SPAG9: variants seen among roughly 807,000 people sequenced by gnomAD.
SPAG9 encodes sperm associated antigen 9.
In SPAG9, 35 loss-of-function variants were observed where a neutral mutation model predicts 166.5. The observed-to-expected ratio is 0.21, with a 90% confidence interval of 0.16 to 0.28. The LOEUF (loss-of-function observed/expected upper bound fraction) is 0.28, where lower values mean the gene tolerates loss of function less well. Ranked by LOEUF, SPAG9 falls within the 10% of genes least tolerant of loss-of-function variation. The pLI is 1.00. For synonymous variants in SPAG9, 534 were observed against 565.5 expected (o/e 0.94, Z 0.79); for missense variants, 1,235 against 1,603.3 (o/e 0.77, Z 3.92).
intron 2 of SPAG9, among the ~76,000 whole-genome samples, chr17:51,062,870 G>T (rs777661122): frequency 6.6e-6 from 1 of 152,138 alleles, no homozygotes; most frequent in African/African-American, 2.4e-5. Context: ...GATTACAGGC[G>T]TGAGCCACCA....
intron 1 of SPAG9, among the ~76,000 whole-genome samples, chr17:51,094,278 T>A (rs1215786559): frequency 6.6e-6 from 1 of 152,164 alleles, no homozygotes; most frequent in Non-Finnish European, 1.5e-5. Context: ...TTAAGAATTA[T>A]AAGGCACTTT....
intron 12 of SPAG9, among the ~76,000 whole-genome samples, chr17:51,002,293 A>C (rs1010135538): frequency 6.6e-6 from 1 of 152,188 alleles, no homozygotes; most frequent in African/African-American, 2.4e-5. Context: ...TTGGGACTAC[A>C]GGTGTAAGCC....
chr17:51,115,828 CA>C (rs915419234), intron 1 of SPAG9, among the ~76,000 whole-genome samples: 1 of 144,656 alleles, frequency 6.9e-6, no homozygotes, highest in South Asian at 2.2e-4. Context: ...AACTCCATCT[CA>C]AAAAAAAAGA....
intron 9 of SPAG9, chr17:51,007,833 T>G: frequency 2.2e-6 from 1 of 453,652 alleles, no homozygotes; most frequent in Non-Finnish European, 4.4e-6. Flanking sequence ...AGATGAAACC[T>G]TACCAAAGAA....
intron 3 of SPAG9, among the ~76,000 whole-genome samples, chr17:51,056,180 C>T (rs956688526): frequency 1.3e-5 from 2 of 152,120 alleles, no homozygotes; most frequent in Non-Finnish European, 1.5e-5. Context: ...CCTTAAATAA[C>T]TAAATTATTC....
At chr17:51,064,947 C>T (rs900407505) in intron 2 of SPAG9, among the ~76,000 whole-genome samples, 2 of 152,002 alleles carry the variant, frequency 1.3e-5, no homozygotes, top group African/African-American at 4.8e-5. Flanking sequence ...CATGATGAAA[C>T]CCCGTCTCTA....
intron 5 of SPAG9, among the ~76,000 whole-genome samples, chr17:51,037,629 TTATATA>T (rs2046641323): frequency 7.5e-6 from 1 of 132,772 alleles, no homozygotes; most frequent in Non-Finnish European, 1.6e-5. Flanking sequence ...AAAAAAAAAA[TTATATA>T]TATAAATAAA....
At position 51,006,328 on chromosome 17, in the gene SPAG9, A is replaced by G. The variant is rs2045218342; in HGVS notation, c.1272-91T>C. 4.9e-6 allele frequency: 6 copies of G among 1,219,182 alleles called. No individual in the cohort carries two copies. The South Asian group carries it at 8.6e-5, about 17-fold the overall frequency. The allele number at this position is 1,219,182 out of a possible 1,614,324, so 75.5% of individuals were successfully genotyped here. On this transcript the variant is annotated intron_variant, in intron 10 of 29. Coordinates refer to ENST00000262013, the MANE Select transcript of SPAG9 (RefSeq NM_001130528.3). The stretch of plus-strand genomic sequence containing the variant: ...TTTGTAGACTAAACTGTACAACCAT[A>G]GACAATAATAATTTAATACTTCAAG...
At chr17:51,107,744 TAAAA>T (rs35218447) in intron 1 of SPAG9, among the ~76,000 whole-genome samples, 2 of 138,274 alleles carry the variant, frequency 1.4e-5, no homozygotes, top group South Asian at 4.5e-4. Context: ...AAAAAAAGGT[TAAAA>T]AAAAAAAAAA....
At chr17:51,011,514 C>T (rs1438873613) in intron 9 of SPAG9, among the ~76,000 whole-genome samples, 2 of 151,884 alleles carry the variant, frequency 1.3e-5, no homozygotes, top group Admixed American at 6.6e-5. Flanking sequence ...TCCCAAGTAG[C>T]TGGGATTACA....
rs920882312 is a variant in SPAG9 at position 51,047,063 on chromosome 17, C to T, written c.590+312G>A. 10 of 390,272 alleles carry T rather than the reference C, an allele frequency of 2.6e-5. No homozygotes were observed. The South Asian group carries it at 4.2e-4, about 17-fold the overall frequency. 24.2% of individuals were successfully genotyped at this position (390,272 alleles called of 1,614,324 possible). On this transcript the variant is annotated intron_variant, in intron 4 of 29. Transcript: ENST00000262013. ...CAAAAAGGACTTCAAACCAATTACA[C>T]GGGAGAAATAAAATATTTCAGCATT...
At chr17:51,091,614 T>G (rs1001657247) in intron 1 of SPAG9, among the ~76,000 whole-genome samples, 13 of 151,988 alleles carry the variant, frequency 8.6e-5, no homozygotes, top group African/African-American at 3.1e-4. Flanking sequence ...ACGCACATAC[T>G]CCTCCCCTTT....
chr17:50,972,724 C>T (rs1032962793), intron 28 of SPAG9, among the ~76,000 whole-genome samples: 2 of 152,194 alleles, frequency 1.3e-5, no homozygotes, highest in African/African-American at 2.4e-5. Context: ...GATAGTCTGA[C>T]GTATCCCCAC....
At chr17:51,022,573 T>C (rs903506691) in intron 6 of SPAG9, among the ~76,000 whole-genome samples, 51 of 151,884 alleles carry the variant, frequency 3.4e-4, no homozygotes, top group Admixed American at 2.1e-3. Flanking sequence ...AGCAGTTCTT[T>C]TGGAGCACCC....
In SPAG9 at chr17:50,967,986, A is replaced by G. The variant is rs77603601; in HGVS notation, c.3851-1599T>C. 1.2e-4 allele frequency among the ~76,000 whole-genome samples: 19 copies of G among 152,358 alleles called. No homozygotes were observed. The East Asian group carries it at 1.7e-3, about 14-fold the overall frequency. The stretch of plus-strand genomic sequence containing the variant: ...TTTTTAGTGGAAATGGAAAAACCAC[A>G]TAGAGATTTTATTAACAAACTCCTC... On this transcript the variant is annotated intron_variant, in intron 29 of 29. Transcript: ENST00000262013.
chr17:51,012,809 G>A (rs189679462), intron 9 of SPAG9, among the ~76,000 whole-genome samples: 4 of 150,842 alleles, frequency 2.7e-5, no homozygotes, highest in Admixed American at 2.0e-4. Context: ...GTGCAGTGGT[G>A]CAACCCAGGC....
chr17:51,024,717 A>C (rs1421123991), intron 6 of SPAG9, among the ~76,000 whole-genome samples: 11 of 151,698 alleles, frequency 7.3e-5, no homozygotes, highest in Admixed American at 5.9e-4. Flanking sequence ...CTGTCTCAAA[A>C]AAAAAAAAAA....
In SPAG9 at chr17:51,061,602, G is replaced by A. The variant is rs1598107661; in HGVS notation, c.425-5120C>T. Among the ~76,000 whole-genome samples the A allele has an allele frequency of 4.0e-5, 4 of 100,834 alleles. No homozygotes were observed. The East Asian group carries it at 1.2e-3, about 31-fold the overall frequency. 66.2% of individuals were successfully genotyped at this position (100,834 alleles called of 152,430 possible). A position where few individuals can be genotyped will look rare whatever the true frequency, so the allele number is the denominator to read the frequency against. ...TCTAGTCTGGGCAACAAGAGCGAAA[G>A]CTCTGTCTCCAAAAAAAAAAAAAAA... On this transcript the variant is annotated intron_variant, in intron 2 of 29. Transcript: ENST00000262013.
At chr17:51,092,938 T>C (rs1018673431) in intron 1 of SPAG9, among the ~76,000 whole-genome samples, 3 of 151,572 alleles carry the variant, frequency 2.0e-5, no homozygotes, top group African/African-American at 7.3e-5. Flanking sequence ...CAAATGTCTC[T>C]TAAAAAATTT....
Sources: gnomAD v4.1 joint callset for allele counts (sites outside exome capture counted in the v4.1 genomes callset) on GRCh38, gnomAD v4.1.1 for gene constraint, MANE v1.5 for transcripts, NCBI Gene and HGNC (gene_info 2026-07-23, HGNC 2026-07-21) for gene names.